Variants in UXS1 observed in about 807,000 individuals in gnomAD.
UXS1 encodes the protein UDP-glucuronate decarboxylase 1.
Under a neutral mutation model 62.6 loss-of-function variants are expected in UXS1, and 33 were observed. That is an observed-to-expected ratio of 0.53 (90% CI 0.40 to 0.70). UXS1 has a LOEUF of 0.70. Ranked by LOEUF, UXS1 falls within the 30% of genes least tolerant of loss-of-function variation. UXS1 has a pLI of 0.00. For missense variants in UXS1, 434 were observed against 556.3 expected, an observed-to-expected ratio of 0.78 and a Z score of 2.21; for synonymous variants, 213 against 206.8, an observed-to-expected ratio of 1.03 and a Z score of -0.26.
At position 106,098,804 on chromosome 2, in the gene UXS1, G is replaced by A. The variant is rs373322713; in HGVS notation, c.985-31C>T. On this transcript the variant is annotated intron_variant, in intron 12 of 14. Coordinates refer to ENST00000283148, the MANE Select transcript of UXS1 (RefSeq NM_001253875.2). ...AAAGAAACGGTTTCCAGTTATAAGC[G>A]TCATGACAACAGCAGCAATCCACCA... The A allele has an allele frequency of 4.4e-5, 70 of 1,598,404 alleles. 1 individual carries two copies. The Middle Eastern group carries it at 4.9e-4, about 11-fold the overall frequency.
At chr2:106,154,563 G>A (rs1353046367) in intron 5 of UXS1, among the ~76,000 whole-genome samples, 2 of 152,186 alleles carry the variant, frequency 1.3e-5, no homozygotes, top group African/African-American at 4.8e-5. Context: ...GAAGCTGGGA[G>A]AAAAGCATGG....
intron 9 of UXS1, among the ~76,000 whole-genome samples, chr2:106,113,287 T>G (rs1417586410): frequency 1.3e-5 from 2 of 152,176 alleles, no homozygotes; most frequent in Non-Finnish European, 2.9e-5. Flanking sequence ...GCATCTACAC[T>G]CCCAATCTAT....
At chr2:106,101,698 C>T (rs1291181200) in intron 11 of UXS1, 1 of 152,330 alleles carries the variant, frequency 6.6e-6, no homozygotes, top group African/African-American at 2.4e-5. Context: ...GTCGCCACCC[C>T]CCAAAACACC....
chr2:106,128,175 G>GT (rs778713877), intron 7 of UXS1, among the ~76,000 whole-genome samples: 1 of 152,182 alleles, frequency 6.6e-6, no homozygotes, highest in African/African-American at 2.4e-5. Flanking sequence ...CAGAGAGAGT[G>GT]TAGGAGGGGT....
intron 14 of UXS1, among the ~76,000 whole-genome samples, chr2:106,096,384 A>C (rs1210293421): frequency 6.6e-6 from 1 of 152,136 alleles, no homozygotes; most frequent in Non-Finnish European, 1.5e-5. Context: ...TGACAGTGTG[A>C]GTGTGTGGGA....
In UXS1 at chr2:106,146,188, G is replaced by A. The variant is rs182402250; in HGVS notation, c.292-818C>T. On this transcript the variant is annotated intron_variant, in intron 5 of 14. Coordinates refer to ENST00000283148, the MANE Select transcript of UXS1 (RefSeq NM_001253875.2). Reference sequence around the variant, plus strand: ...TTTCATCTGGGGGAAGGTTATAGGCGGTGGGAGTGAAAAGAATAGGCTCAG... The same window carrying A: ...TTTCATCTGGGGGAAGGTTATAGGCAGTGGGAGTGAAAAGAATAGGCTCAG... 1.7e-3 allele frequency among the ~76,000 whole-genome samples: 252 copies of A among 152,348 alleles called. 4 individuals carry two copies. Among genetic ancestry groups the A allele is most frequent in the Admixed American group, 3.2e-3 (49 of 15,304 alleles).
intron 5 of UXS1, among the ~76,000 whole-genome samples, chr2:106,151,613 C>T (rs768543096): frequency 6.6e-6 from 1 of 152,146 alleles, no homozygotes; most frequent in Non-Finnish European, 1.5e-5. Flanking sequence ...CTGTGGTAAT[C>T]TGTTACAGCG....
chr2:106,112,795 T>C, intron 9 of UXS1, 30 bp from the exon 10 acceptor site: 12 of 1,607,368 alleles, frequency 7.5e-6, no homozygotes, highest in Non-Finnish European at 1.0e-5. Flanking sequence ...AGGTCAGGTG[T>C]GCTCCCCTGT....
In UXS1 at chr2:106,145,055, T is replaced by C. The variant is rs189447933; in HGVS notation, c.472+135A>G. The C allele has an allele frequency of 3.7e-4, 363 of 970,532 alleles. 1 individual carries two copies. In the African/African-American group the frequency reaches 4.9e-3, roughly 13 times the overall value. The allele number at this position is 970,532 out of a possible 1,614,324, so 60.1% of individuals were successfully genotyped here. A position where few individuals can be genotyped will look rare whatever the true frequency, so the allele number is the denominator to read the frequency against. ...AGACTAGGACGGCACCTCATACATA[T>C]TGAGACATTTCAAAAATAAAACCCA... On this transcript the variant is annotated intron_variant, in intron 6 of 14. Coordinates refer to ENST00000283148, the MANE Select transcript of UXS1 (RefSeq NM_001253875.2).
At chr2:106,192,243 T>C (rs1289669359) in intron 1 of UXS1, among the ~76,000 whole-genome samples, 1 of 152,188 alleles carries the variant, frequency 6.6e-6, no homozygotes, top group Non-Finnish European at 1.5e-5. Context: ...GATTTCCTGG[T>C]CAGATGAATG....
At chr2:106,155,172 T>C (rs1215422252) in intron 5 of UXS1, among the ~76,000 whole-genome samples, 1 of 152,106 alleles carries the variant, frequency 6.6e-6, no homozygotes, top group East Asian at 1.9e-4. Flanking sequence ...ACACTGGAGA[T>C]CAAATTTCAA....
chr2:106,175,502 T>C (rs1683823182), intron 1 of UXS1, among the ~76,000 whole-genome samples: 1 of 152,196 alleles, frequency 6.6e-6, no homozygotes, highest in Non-Finnish European at 1.5e-5. Flanking sequence ...GTGTCCTTCT[T>C]TTAAGTCTGG....
intron 11 of UXS1, chr2:106,102,079 T>C (rs1677643121): frequency 6.6e-6 from 1 of 152,236 alleles, no homozygotes; most frequent in South Asian, 2.1e-4. Context: ...TTGGGGTATT[T>C]CGTAAATCAG....
At chr2:106,169,317 G>A (rs1314820050) in intron 1 of UXS1, among the ~76,000 whole-genome samples, 3 of 152,196 alleles carry the variant, frequency 2.0e-5, no homozygotes, top group African/African-American at 7.2e-5. Flanking sequence ...TGGGTGGGTA[G>A]CACCTTTTGG....
chr2:106,176,697 CG>C (rs1683903026), intron 1 of UXS1, among the ~76,000 whole-genome samples: 1 of 152,208 alleles, frequency 6.6e-6, no homozygotes, highest in Admixed American at 6.5e-5. Flanking sequence ...TCATTCTAAG[CG>C]GTTACACAGG....
intron 1 of UXS1, among the ~76,000 whole-genome samples, chr2:106,175,344 T>C (rs1683814271): frequency 6.6e-6 from 1 of 152,236 alleles, no homozygotes; most frequent in African/African-American, 2.4e-5. Context: ...AAAAGCTTCA[T>C]CTAAGTTGAA....
At chr2:106,167,878 T>C (rs1683305353) in intron 1 of UXS1, among the ~76,000 whole-genome samples, 1 of 152,118 alleles carries the variant, frequency 6.6e-6, no homozygotes, top group Non-Finnish European at 1.5e-5. Flanking sequence ...ATACAGGTCA[T>C]GGGCCGGGCA....
chr2:106,157,546 G>A (rs983447171), intron 5 of UXS1, among the ~76,000 whole-genome samples: 1 of 152,120 alleles, frequency 6.6e-6, no homozygotes, highest in African/African-American at 2.4e-5. Flanking sequence ...AAAATCCTGT[G>A]TCCACACGAA....
chr2:106,111,488 G>A (rs190278797), intron 10 of UXS1, among the ~76,000 whole-genome samples: 70 of 152,292 alleles, frequency 4.6e-4, no homozygotes, highest in Non-Finnish European at 6.3e-4. Context: ...TTGGTTCTAC[G>A]TTGGTAGCGG....
Sources: gnomAD v4.1 joint callset for allele counts (sites outside exome capture counted in the v4.1 genomes callset) on GRCh38, gnomAD v4.1.1 for gene constraint, MANE v1.5 for transcripts, NCBI Gene and HGNC (gene_info 2026-07-23, HGNC 2026-07-21) for gene names.